The following FBF1 variants were observed in gnomAD, a reference collection of about 807,000 sequenced individuals.
FBF1 encodes fas-binding factor 1.
FBF1 carries 119 observed loss-of-function variants against 147.2 expected under a neutral mutation model. The observed-to-expected ratio is 0.81, with a 90% CI of 0.70 to 0.94. The LOEUF (loss-of-function observed/expected upper bound fraction) is 0.94. Ranked by LOEUF, FBF1 falls within the 40% of genes least tolerant of loss-of-function variation. FBF1 has a pLI of 0.00. For synonymous variants in FBF1, 601 were observed against 609.0 expected, an observed-to-expected ratio of 0.99 and a Z score of 0.19; for missense variants, 1,449 against 1,500.8, an observed-to-expected ratio of 0.97 and a Z score of 0.57.
chr17:75,912,512 G>A (rs1274662230), intron 28 of FBF1, among the ~76,000 whole-genome samples: 1 of 152,238 alleles, frequency 6.6e-6, no homozygotes, highest in Non-Finnish European at 1.5e-5. Flanking sequence ...ATTTATTCCA[G>A]TGAAATAATC....
At position 75,921,983 on chromosome 17, in the gene FBF1, A is replaced by T; in HGVS notation, c.1488T>A (p.Thr496=). ...HAAAGGSSGT[T]ARERPCVRPG... ...GCCTGACACACGGTCTTTCTCGTGC[A>T]GTTGTTCCAGAACTCCCTCCAGCAG... Residue 496 remains threonine (T), a synonymous_variant, in exon 15 of 30, where the codon ACT becomes ACA. Transcript: ENST00000636174. The T allele has an allele frequency of 6.4e-7, 1 of 1,551,550 alleles. No individual in the cohort carries two copies.
At position 75,914,900 on chromosome 17, in the gene FBF1, C is replaced by T. The variant is rs755459098; in HGVS notation, c.2661G>A (p.Met887Ile). Reference sequence around the variant, plus strand: ...GCCGCCGCTCCTCCCCGCACTTGAGCATGACAGACTTCTGCTCCTCCAGCA... The same window carrying T: ...GCCGCCGCTCCTCCCCGCACTTGAGTATGACAGACTTCTGCTCCTCCAGCA... Reference protein sequence around the residue: ...SALLEEQKSVMLKCGEERRRL... With the variant: ...SALLEEQKSVILKCGEERRRL... The change falls in exon 25 of 30, where the codon ATG becomes ATA. Residue 887 changes from methionine (M) to isoleucine (I), a missense_variant. By Grantham distance (10) the Met-to-Ile change is conservative. Transcript: ENST00000636174. The T allele has an allele frequency of 1.2e-6, 2 of 1,612,280 alleles. No homozygotes were observed. The highest frequency in any genetic ancestry group is 2.2e-5 in the South Asian group (2 of 90,986).
At position 75,935,615 on chromosome 17, in the gene FBF1, G is replaced by A; in HGVS notation, c.73+17C>T. 4 of 1,535,376 alleles carry A rather than the reference G, an allele frequency of 2.6e-6. No homozygotes were observed. Among genetic ancestry groups the A allele is most frequent in the Non-Finnish European group, 3.5e-6 (4 of 1,146,242 alleles). On this transcript the variant is annotated intron_variant, in intron 4 of 29. Coordinates refer to ENST00000636174, the MANE Select transcript of FBF1 (RefSeq NM_001319193.2). ...GCAGCAGCCCAAATTAGGGGATTCT[G>A]GGCAAGGCACACTTACTATCATCCC...
rs559403263 is a variant in FBF1 at position 75,920,303 on chromosome 17, G to C, written c.1801C>G (p.Gln601Glu). 1 of 1,611,424 alleles carries C rather than the reference G, an allele frequency of 6.2e-7. No homozygotes were observed. Among genetic ancestry groups the C allele is most frequent in the Non-Finnish European group, 8.5e-7 (1 of 1,179,272 alleles). ...AELQAELLHS[Q>E]ARLAELEAQV... ...GCCTCCAGCTCTGCCAGCCGGGCCT[G>C]GCTATGCAGCAGCTCGGCCTGGAGC... Residue 601 changes from glutamine to glutamate, a missense_variant, in exon 18 of 30, where the codon CAG (glutamine) becomes GAG (glutamate). By Grantham distance (29) the Gln-to-Glu change is conservative (BLOSUM62 2). Transcript: ENST00000636174.
rs1427364005 is a variant in FBF1, at chr17:75,925,649, G to A, written c.869-203C>T. On this transcript the variant is annotated intron_variant, in intron 12 of 29. Coordinates refer to ENST00000636174, the MANE Select transcript of FBF1 (RefSeq NM_001319193.2). The surrounding 1 kb of genome is among the most constrained non-coding windows in gnomAD (Gnocchi z 5.0). The stretch of plus-strand genomic sequence containing the variant: ...GCCAGACCCTGCCCCAGGATCCCTC[G>A]AGGTCAGGTCCAGCGAGCGGCATGT... Among the ~76,000 whole-genome samples the A allele has an allele frequency of 6.6e-6, 1 of 152,190 alleles. No homozygotes were observed. The highest frequency in any genetic ancestry group is 1.5e-5 in the Non-Finnish European group (1 of 68,038).
At chr17:75,914,087 T>C in intron 26 of FBF1, 35 bp downstream of exon 26, 1 of 1,593,752 alleles carries the variant, frequency 6.3e-7, no homozygotes. Flanking sequence ...CTGCCTGGGC[T>C]CAGATGCGCC....
intron 23 of FBF1, 22 bp from the exon 24 acceptor site, chr17:75,915,161 T>G (rs1216007507): frequency 6.2e-7 from 1 of 1,601,078 alleles, no homozygotes; most frequent in Admixed American, 1.7e-5. Flanking sequence ...AGGGCAGGAC[T>G]GAGAGCGTGG....
In FBF1 at chr17:75,926,152, C is replaced by G. The variant is rs775681384; in HGVS notation, c.746G>C (p.Arg249Pro). Residue 249 changes from arginine (R) to proline (P), a missense_variant, in exon 12 of 30, where the codon CGC (arginine) becomes CCC (proline). Transcript: ENST00000636174. ...KRQIGDQEGPRPARSTLDELL... is the reference protein window; with the variant it reads ...KRQIGDQEGPPPARSTLDELL... The stretch of plus-strand genomic sequence containing the variant: ...CTCATCCAGCGTGGAGCGAGCAGGG[C>G]GAGGCCCTTCCCTGCAGGACGGGAC... 6.2e-7 allele frequency: 1 copy of G among 1,608,130 alleles called. No individual in the cohort carries two copies. Among genetic ancestry groups the G allele is most frequent in the South Asian group, 1.1e-5 (1 of 90,352 alleles).
At chr17:75,930,151 C>A (rs79231945) in intron 6 of FBF1, 104 bp from the exon 7 acceptor site, 3 of 852,238 alleles carry the variant, frequency 3.5e-6, no homozygotes, top group Middle Eastern at 3.4e-4. Flanking sequence ...GCAGACGGCG[C>A]GGCAGGAGCA....
chr17:75,923,063 G>T lies in FBF1; in HGVS notation c.1424+123C>A. On this transcript the variant is annotated intron_variant, in intron 14 of 29. Coordinates refer to ENST00000636174, the MANE Select transcript of FBF1 (RefSeq NM_001319193.2). This position sits in a 1 kb window ranked among gnomAD's most constrained non-coding sequence, Gnocchi z 4.1. ...GCAAAGCCAAGAAGCGGCCTCTGTG[G>T]CCACGGCGCCCTGCCTTGTTCCCCA... 2 of 996,590 alleles carry T rather than the reference G, an allele frequency of 2.0e-6. No individual in the cohort carries two copies. Among genetic ancestry groups the T allele is most frequent in the Non-Finnish European group, 1.5e-6 (1 of 686,580 alleles). 61.7% of individuals were successfully genotyped at this position (996,590 alleles called of 1,614,324 possible).
In FBF1 at chr17:75,914,014, A is replaced by G. The variant is rs373656567; in HGVS notation, c.3028T>C (p.Leu1010=). 4 of 1,582,690 alleles carry G rather than the reference A, an allele frequency of 2.5e-6. No individual in the cohort carries two copies. The highest frequency in any genetic ancestry group is 1.3e-5 in the African/African-American group (1 of 74,506). The change falls in exon 27 of 30, where the codon TTG becomes CTG. Residue 1010 remains leucine (L), a synonymous_variant. Transcript: ENST00000636174. ...GCCTGCACCTGCTGGGCCTCGCGCAATGCCCGCTCCCCCTCCTCGTACTTC... is the reference window on the plus strand; with the variant it reads ...GCCTGCACCTGCTGGGCCTCGCGCAGTGCCCGCTCCCCCTCCTCGTACTTC... ...SEKYEEGERA[L]REAQQVQAEQ... is the part of the protein sequence containing the mutation.
At chr17:75,927,333 G>T in intron 9 of FBF1, 122 bp downstream of exon 9, 1 of 758,094 alleles carries the variant, frequency 1.3e-6, no homozygotes, top group Non-Finnish European at 2.2e-6. Flanking sequence ...AATTCACGAG[G>T]AAGTAAACCA....
intron 23 of FBF1, among the ~76,000 whole-genome samples, chr17:75,915,751 A>G (rs375359414): frequency 1.9e-4 from 29 of 152,260 alleles, no homozygotes; most frequent in African/African-American, 6.3e-4. Flanking sequence ...GCTCAGCCCT[A>G]TAATCCCAGC....
chr17:75,921,159 G>A (rs550770218), intron 17 of FBF1, 85 bp downstream of exon 17: 71 of 1,381,070 alleles, frequency 5.1e-5, no homozygotes, highest in Non-Finnish European at 6.5e-5. Flanking sequence ...CTGGCAGGTC[G>A]TCAGGTCAAA....
In FBF1 at chr17:75,918,028, G is replaced by C. The variant is rs1317519011; in HGVS notation, c.2289C>G (p.Ser763Arg). 2 of 1,612,214 alleles carry C rather than the reference G, an allele frequency of 1.2e-6. No individual in the cohort carries two copies. The highest frequency in any genetic ancestry group is 8.5e-7 in the Non-Finnish European group (1 of 1,178,854). ...SIIHQMEKFS[S>R]SLHELSSRVE... ...CGCGGGAGGACAACTCGTGCAGGCT[G>C]CTGGAGAACTTCTCCATCTGGTGGA... is the stretch of plus-strand genomic sequence containing the variant. Residue 763 changes from serine (S) to arginine (R), a missense_variant, in exon 22 of 30, where the codon AGC becomes AGG. Ser to Arg is a moderately radical substitution (Grantham distance 110, BLOSUM62 -1). Transcript: ENST00000636174. This position sits in a 1 kb window ranked among gnomAD's most constrained non-coding sequence, Gnocchi z 5.8.
chr17:75,920,209 C>A, intron 18 of FBF1, 65 bp downstream of exon 18: 1 of 1,591,524 alleles, frequency 6.3e-7, no homozygotes, highest in Non-Finnish European at 8.6e-7. Context: ...AAGCTTCCAG[C>A]CACTCTCAGT....
chr17:75,937,877 A>G (rs889169577), intron 2 of FBF1: 3 of 626,390 alleles, frequency 4.8e-6, no homozygotes, highest in Non-Finnish European at 5.6e-6. Context: ...ATGTCATGTG[A>G]CCGGAAATGT....
In FBF1 at chr17:75,932,224, CA is replaced by C. The variant is rs139773841; in HGVS notation, c.167+770del. Among the ~76,000 whole-genome samples the C allele has an allele frequency of 2.1e-3, 326 of 151,820 alleles. 2 individuals are homozygous for C. The highest frequency in any genetic ancestry group is 7.6e-3 in the African/African-American group (314 of 41,396). ...GGTGAAACCCCATCTCCACTAATAACAAAGTAGCCAGACGTGGTGGTGTGTG... is the reference window on the plus strand; with the variant it reads ...GGTGAAACCCCATCTCCACTAATAACAAGTAGCCAGACGTGGTGGTGTGTG... On this transcript the variant is annotated intron_variant, in intron 5 of 29. Transcript: ENST00000636174.
chr17:75,913,722 G>A lies in FBF1; in HGVS notation c.3227C>T (p.Pro1076Leu). The A allele has an allele frequency of 6.3e-7, 1 of 1,598,326 alleles. No homozygotes were observed. The highest frequency in any genetic ancestry group is 2.2e-5 in the East Asian group (1 of 44,820). ...CTCACCACTCTGGCTGGAGGCTGCAGGGCCCTGGGCCCTGGGGAACAGACC... is the reference window on the plus strand; with the variant it reads ...CTCACCACTCTGGCTGGAGGCTGCAAGGCCCTGGGCCCTGGGGAACAGACC... Reference protein sequence around the residue: ...LVGLFPRAQGPAASSQSALMP... With the variant: ...LVGLFPRAQGLAASSQSALMP... The change falls in exon 28 of 30, where the codon CCT becomes CTT. Residue 1076 changes from proline (P) to leucine (L), a missense_variant. Physicochemically the swap from Pro to Leu is moderately conservative, Grantham distance 98. Transcript: ENST00000636174.
Sources: gnomAD v4.1 joint callset for allele counts (sites outside exome capture counted in the v4.1 genomes callset) on GRCh38, gnomAD v4.1.1 for gene constraint, Gnocchi (gnomAD v3.1) non-coding constraint, MANE v1.5 for transcripts, NCBI Gene and HGNC (gene_info 2026-07-23, HGNC 2026-07-21) for gene names.